Variants in TRPM3 observed in about 807,000 individuals in gnomAD.
TRPM3 encodes transient receptor potential cation channel subfamily M member 3.
Under a neutral mutation model 181.2 loss-of-function variants are expected in TRPM3, and 77 were observed. The ratio of observed to expected loss-of-function variants is 0.42; its 90% CI spans 0.35 to 0.51. The LOEUF is 0.51. TRPM3 is among the 20% of genes least tolerant of loss of function. TRPM3 has a pLI of 0.01. For missense variants in TRPM3, 1,759 were observed against 2,196.7 expected (o/e 0.80, Z 3.98); for synonymous variants, 745 against 796.4 (o/e 0.94, Z 1.09).
intron 1 of TRPM3, among the ~76,000 whole-genome samples, chr9:71,138,548 T>A (rs201737817): frequency 6.8e-6 from 1 of 146,650 alleles, no homozygotes; most frequent in Non-Finnish European, 1.5e-5. Flanking sequence ...TTTTTCTTTT[T>A]TTTTCAGTTT....
At chr9:71,118,172 C>A (rs1050468202) in intron 1 of TRPM3, among the ~76,000 whole-genome samples, 7 of 152,284 alleles carry the variant, frequency 4.6e-5, no homozygotes, top group African/African-American at 1.7e-4. Flanking sequence ...AAAACAGGCT[C>A]TGTCTTTTGG....
chr9:70,841,624 C>CTATATATATATATATA (rs72421594), intron 5 of TRPM3, among the ~76,000 whole-genome samples: 17 of 72,898 alleles, frequency 2.3e-4, no homozygotes, highest in East Asian at 3.6e-4. Flanking sequence ...CTATATCCCA[C>CTATATATATATATATA]TATATATATA....
At chr9:70,936,629 A>C (rs1408569796) in intron 1 of TRPM3, among the ~76,000 whole-genome samples, 1 of 152,196 alleles carries the variant, frequency 6.6e-6, no homozygotes, top group Non-Finnish European at 1.5e-5. Context: ...AGAGAAACTG[A>C]AAGCTACAGT....
chr9:71,018,872 T>C (rs1387686018), intron 1 of TRPM3, among the ~76,000 whole-genome samples: 2 of 151,892 alleles, frequency 1.3e-5, no homozygotes, highest in Admixed American at 6.6e-5. Flanking sequence ...CTTAAAATCT[T>C]AGGTAAAATA....
intron 1 of TRPM3, among the ~76,000 whole-genome samples, chr9:71,428,376 G>A (rs776964447): frequency 1.6e-4 from 25 of 151,732 alleles, no homozygotes; most frequent in Admixed American, 2.0e-4. Context: ...GATTACAGGC[G>A]TGAGCCACCA....
intron 1 of TRPM3, among the ~76,000 whole-genome samples, chr9:70,911,547 T>C (rs1000195159): frequency 6.6e-6 from 1 of 152,230 alleles, no homozygotes; most frequent in African/African-American, 2.4e-5. Context: ...CTTTAATTTA[T>C]ATGTCTAAAC....
chr9:71,440,016 G>A (rs1164029600), intron 1 of TRPM3, among the ~76,000 whole-genome samples: 20 of 152,136 alleles, frequency 1.3e-4, no homozygotes, highest in East Asian at 3.9e-4. Flanking sequence ...CCAGCTACTC[G>A]GGAGGCTGAG....
intron 1 of TRPM3, among the ~76,000 whole-genome samples, chr9:71,424,725 C>A (rs2093833326): frequency 1.3e-5 from 2 of 152,086 alleles, no homozygotes; most frequent in South Asian, 4.1e-4. Flanking sequence ...TCATTTCTTT[C>A]AGTTCAGAAA....
chr9:71,338,597 GAT>G (rs1565477246), intron 1 of TRPM3, among the ~76,000 whole-genome samples: 1 of 151,962 alleles, frequency 6.6e-6, no homozygotes, highest in African/African-American at 2.4e-5. Context: ...TCTCAGAAGA[GAT>G]ATGGAAAATG....
rs201781457 is a variant in TRPM3 at position 71,109,297 on chromosome 9, G to GT, written c.177+11880dup. Among the ~76,000 whole-genome samples the GT allele has an allele frequency of 7.3e-3, 1,054 of 143,842 alleles. 18 individuals are homozygous for GT. The East Asian group carries it at 0.08, about 11-fold the overall frequency. 94.4% of individuals were successfully genotyped at this position (143,842 alleles called of 152,430 possible). ...ATATACATCCTACTGCTTCTGGTTT[G>GT]TTTTTTTTTTTCTGGAGATTCCTGA... On this transcript the variant is annotated intron_variant, in intron 1 of 25. Coordinates refer to ENST00000677713, the MANE Select transcript of TRPM3 (RefSeq NM_001366145.2).
chr9:70,950,089 C>T (rs914882476), intron 1 of TRPM3, among the ~76,000 whole-genome samples: 3 of 152,180 alleles, frequency 2.0e-5, no homozygotes, highest in Non-Finnish European at 4.4e-5. Context: ...AGCCTCCCTT[C>T]ACAGTCATGA....
intron 1 of TRPM3, among the ~76,000 whole-genome samples, chr9:71,003,470 G>A (rs954176493): frequency 2.0e-5 from 3 of 151,760 alleles, no homozygotes; most frequent in Non-Finnish European, 4.4e-5. Flanking sequence ...GGGGCTGCTG[G>A]GACAAAGAGT....
intron 22 of TRPM3, among the ~76,000 whole-genome samples, chr9:70,556,961 G>A (rs376925504): frequency 2.6e-4 from 39 of 152,174 alleles, no homozygotes; most frequent in African/African-American, 9.2e-4. Flanking sequence ...TTTTATTTCT[G>A]TAATTGATAG....
intron 12 of TRPM3, among the ~76,000 whole-genome samples, chr9:70,633,353 G>A (rs998622595): frequency 2.0e-5 from 3 of 152,130 alleles, no homozygotes; most frequent in East Asian, 1.9e-4. Flanking sequence ...AGACAAAACC[G>A]GAAGGTTCAA....
chr9:71,051,039 A>G (rs1333638581), intron 1 of TRPM3, among the ~76,000 whole-genome samples: 3 of 152,188 alleles, frequency 2.0e-5, no homozygotes, highest in Non-Finnish European at 2.9e-5. Context: ...TGTTTTGAAA[A>G]CTGTGTCTCC....
intron 1 of TRPM3, among the ~76,000 whole-genome samples, chr9:71,183,480 G>A (rs1422353450): frequency 1.3e-5 from 2 of 151,896 alleles, no homozygotes. Context: ...TACAATTATT[G>A]GCTGCTTCTC....
intron 1 of TRPM3, among the ~76,000 whole-genome samples, chr9:71,134,947 A>G (rs926525677): frequency 1.3e-5 from 2 of 152,196 alleles, no homozygotes; most frequent in Non-Finnish European, 2.9e-5. Context: ...AACCCCTTGA[A>G]ATAGAAAAGA....
At chr9:70,845,160 T>C (rs191819266) in intron 4 of TRPM3, among the ~76,000 whole-genome samples, 2 of 152,310 alleles carry the variant, frequency 1.3e-5, no homozygotes, top group African/African-American at 4.8e-5. Context: ...ATTCTAGGTA[T>C]TTAAGAGAAT....
rs567159550 is a variant in TRPM3 at position 71,085,253 on chromosome 9, T to C, written c.177+35925A>G. Among the ~76,000 whole-genome samples, 125 of 151,954 alleles carry C rather than the reference T, an allele frequency of 8.2e-4. 1 individual carries two copies. Among genetic ancestry groups the C allele is most frequent in the Non-Finnish European group, 1.5e-3 (102 of 67,930 alleles). ...TTTATGACTAAGTCCTTGAAAGCAA[T>C]TGCAATAAAACCAAAAACTGGCAAG... is the stretch of plus-strand genomic sequence containing the variant. On this transcript the variant is annotated intron_variant, in intron 1 of 25. Transcript: ENST00000677713.
Sources: allele counts gnomAD v4.1 joint callset (sites outside exome capture counted in the v4.1 genomes callset), GRCh38; gene constraint gnomAD v4.1.1; transcripts MANE v1.5; gene names NCBI Gene and HGNC (gene_info 2026-07-23, HGNC 2026-07-21).